The following CAST variants were observed in gnomAD, a reference collection of about 807,000 sequenced individuals.
CAST encodes MIR583 host.
Under a neutral mutation model 119.6 loss-of-function variants are expected in CAST, and 76 were observed. The observed-to-expected ratio is 0.64, with a 90% CI of 0.53 to 0.77. The LOEUF is 0.77. Among genes scored for constraint, CAST ranks in the 30% least tolerant of loss-of-function variants. The pLI, the probability that CAST is intolerant of heterozygous loss-of-function variation, is 0.00. For missense variants in CAST, 953 were observed against 946.5 expected (o/e 1.01, Z -0.09); for synonymous variants, 319 against 331.6 (o/e 0.96, Z 0.41).
At chr5:96,045,483 A>G in the CAST span, among the ~76,000 whole-genome samples, 1 of 152,224 alleles carries the variant, frequency 6.6e-6, no homozygotes, top group Non-Finnish European at 1.5e-5. Flanking sequence ...GCACTTGCAA[A>G]ATAGCATTCA....
chr5:96,617,248 A>C lies in CAST; in HGVS notation c.61-58291A>C, dbSNP rs531670565. ...CCTATAAAAGAGCACACACACACAC[A>C]ACAGGGCACACAACTTTAGGTAGGG... is the stretch of plus-strand genomic sequence containing the variant. On this transcript the variant is annotated intron_variant, in intron 1 of 11. Transcript: ENST00000505143. 1.2e-4 allele frequency among the ~76,000 whole-genome samples: 19 copies of C among 152,236 alleles called. No homozygotes were observed. The South Asian group carries it at 2.7e-3, about 22-fold the overall frequency.
At chr5:96,506,716 T>C in the CAST span, among the ~76,000 whole-genome samples, 3 of 151,952 alleles carry the variant, frequency 2.0e-5, no homozygotes, top group Non-Finnish European at 4.4e-5. Flanking sequence ...CCCGAGAAAG[T>C]CTCTACTGAA....
intron 1 of CAST, among the ~76,000 whole-genome samples, chr5:96,609,307 C>A (rs1412265547): frequency 6.6e-6 from 1 of 152,176 alleles, no homozygotes; most frequent in East Asian, 1.9e-4. Flanking sequence ...CTTCCAGAAG[C>A]ATCTTTGCTT....
the CAST span, among the ~76,000 whole-genome samples, chr5:96,480,445 C>A: frequency 6.6e-6 from 1 of 152,096 alleles, no homozygotes; most frequent in African/African-American, 2.4e-5. Context: ...ATAGTCCCTG[C>A]CATATATTGA....
intron 2 of CAST, among the ~76,000 whole-genome samples, chr5:96,695,081 G>T (rs546987359): frequency 8.5e-5 from 13 of 152,320 alleles, no homozygotes; most frequent in African/African-American, 3.1e-4. Context: ...AGAGATTGGA[G>T]TCTGGAGCAG....
At chr5:96,449,428 G>C in the CAST span, among the ~76,000 whole-genome samples, 1 of 152,128 alleles carries the variant, frequency 6.6e-6, no homozygotes, top group Non-Finnish European at 1.5e-5. Context: ...CTGATGATCT[G>C]AGATGGAAAA....
At chr5:96,763,452 G>C (rs929731732) in intron 25 of CAST, among the ~76,000 whole-genome samples, 1 of 152,168 alleles carries the variant, frequency 6.6e-6, no homozygotes, top group Non-Finnish European at 1.5e-5. Context: ...CTAGGCTGCC[G>C]TTTACACTTC....
At chr5:96,478,619 T>C in the CAST span, among the ~76,000 whole-genome samples, 1 of 152,272 alleles carries the variant, frequency 6.6e-6, no homozygotes, top group Non-Finnish European at 1.5e-5. Flanking sequence ...TTAATATACC[T>C]ATACACAGTC....
chr5:96,699,934 C>T (rs1229001130), intron 3 of CAST, among the ~76,000 whole-genome samples: 1 of 152,168 alleles, frequency 6.6e-6, no homozygotes, highest in African/African-American at 2.4e-5. Context: ...AACAACTTTC[C>T]TCCCAGCCTA....
chr5:96,353,542 G>A, the CAST span, among the ~76,000 whole-genome samples: 1 of 152,190 alleles, frequency 6.6e-6, no homozygotes, highest in Non-Finnish European at 1.5e-5. Context: ...ACTGAGTAAA[G>A]AGAATCCACC....
At chr5:96,090,487 G>T in the CAST span, among the ~76,000 whole-genome samples, 1 of 152,038 alleles carries the variant, frequency 6.6e-6, no homozygotes, top group East Asian at 1.9e-4. Flanking sequence ...TGACCATTAG[G>T]CCTCTCTGGG....
chr5:96,234,045 CAGAAGTGGGCACACACAAACAA>C, the CAST span, among the ~76,000 whole-genome samples: 1 of 152,118 alleles, frequency 6.6e-6, no homozygotes, highest in Non-Finnish European at 1.5e-5. Flanking sequence ...TTCCCTGCTT[CAGAAGTGGGCACACACAAACAA>C]AGAAGTGGGT....
chr5:96,601,883 T>C (rs1024241658), intron 1 of CAST, among the ~76,000 whole-genome samples: 1 of 152,202 alleles, frequency 6.6e-6, no homozygotes, highest in Non-Finnish European at 1.5e-5. Context: ...TTGCTCCTGG[T>C]GTATCCAAAA....
chr5:96,174,669 ACT>A, the CAST span, among the ~76,000 whole-genome samples: 1 of 152,034 alleles, frequency 6.6e-6, no homozygotes, highest in South Asian at 2.1e-4. Flanking sequence ...ACAGTTGTAT[ACT>A]CTCTCTTTCT....
chr5:96,633,819 T>C (rs1328475519), intron 1 of CAST, among the ~76,000 whole-genome samples: 1 of 152,210 alleles, frequency 6.6e-6, no homozygotes, highest in East Asian at 1.9e-4. Flanking sequence ...TAGCGAAAGG[T>C]TCAGCTTCAC....
chr5:96,680,033 A>G (rs1204134460), intron 2 of CAST, among the ~76,000 whole-genome samples: 1 of 152,106 alleles, frequency 6.6e-6, no homozygotes, highest in African/African-American at 2.4e-5. Flanking sequence ...AAAAAATTAG[A>G]AAGTACCAGA....
the CAST span, among the ~76,000 whole-genome samples, chr5:96,328,883 T>A: frequency 3.3e-5 from 5 of 152,250 alleles, no homozygotes; most frequent in Non-Finnish European, 7.3e-5. Flanking sequence ...CCATCTGAGA[T>A]TCCCTTTCTC....
chr5:96,572,576 C>G (rs140190563), intron 1 of CAST, among the ~76,000 whole-genome samples: 43 of 152,308 alleles, frequency 2.8e-4, no homozygotes, highest in African/African-American at 9.9e-4. Flanking sequence ...TCCTTCAAAA[C>G]TATAATGCTA....
the CAST span, among the ~76,000 whole-genome samples, chr5:96,324,119 A>G: frequency 6.6e-6 from 1 of 152,178 alleles, no homozygotes; most frequent in African/African-American, 2.4e-5. Flanking sequence ...CCCATATCTT[A>G]TTGATAGAAA....
Sources: gnomAD v4.1 joint callset for allele counts (sites outside exome capture counted in the v4.1 genomes callset) on GRCh38, gnomAD v4.1.1 for gene constraint, MANE v1.5 for transcripts, NCBI Gene and HGNC (gene_info 2026-07-23, HGNC 2026-07-21) for gene names.